The following PM20D2 variants were observed in gnomAD, a reference collection of about 807,000 sequenced individuals.
The protein encoded by PM20D2 is peptidase M20 domain containing 2, also known as xaa-Arg dipeptidase.
A neutral mutation model predicts 42.9 loss-of-function variants in PM20D2; 33 were observed. The observed-to-expected ratio is 0.77, with a 90% CI of 0.58 to 1.03. The LOEUF is 1.03. Ranked by LOEUF, PM20D2 falls within the 50% of genes least tolerant of loss-of-function variation. PM20D2 has a pLI of 0.00. For synonymous variants in PM20D2, 250 were observed against 228.2 expected, an observed-to-expected ratio of 1.10 and a Z score of -0.86; for missense variants, 548 against 557.0, an observed-to-expected ratio of 0.98 and a Z score of 0.16.
upstream of PM20D2, chr6:89,145,998 G>A (rs982428419): frequency 1.7e-4 from 108 of 631,052 alleles, no homozygotes; most frequent in Middle Eastern, 4.7e-4. Context: ...GGGCGGCCCC[G>A]GGACTGGGGG....
the PM20D2 span, among the ~76,000 whole-genome samples, chr6:89,094,131 T>A: frequency 6.6e-6 from 1 of 151,596 alleles, no homozygotes; most frequent in East Asian, 1.9e-4. Context: ...ATGTTGGCCA[T>A]GCTGGTCTCG....
chr6:89,134,389 G>T, the PM20D2 span, among the ~76,000 whole-genome samples: 1 of 151,156 alleles, frequency 6.6e-6, no homozygotes, highest in Non-Finnish European at 1.5e-5. Flanking sequence ...TTCCAAGAGG[G>T]TTTGTGTTTA....
chr6:89,146,422 C>A lies in PM20D2; in HGVS notation c.278C>A (p.Pro93Gln). ...LPTAFRAEWE[P>Q]PEARAPSATP... ...ACGGCCTTCCGCGCCGAGTGGGAGC[C>A]GCCGGAGGCCCGGGCACCGAGCGCC... Residue 93 changes from proline to glutamine, a missense_variant, in exon 1 of 7, where the codon CCG becomes CAG. Physicochemically the swap from Pro to Gln is moderately conservative, Grantham distance 76. Coordinates refer to ENST00000275072, the MANE Select transcript of PM20D2 (RefSeq NM_001010853.3). 1 of 1,523,646 alleles carries A rather than the reference C, an allele frequency of 6.6e-7. No homozygotes were observed. 94.4% of individuals were successfully genotyped at this position (1,523,646 alleles called of 1,614,324 possible). A position where few individuals can be genotyped will look rare whatever the true frequency, so the allele number is the denominator to read the frequency against.
chr6:89,151,924 CA>C (rs946585605), intron 2 of PM20D2, among the ~76,000 whole-genome samples: 1 of 149,212 alleles, frequency 6.7e-6, no homozygotes, highest in Non-Finnish European at 1.5e-5. Context: ...CCTGTCTCTA[CA>C]AAAAAAAATA....
chr6:89,124,733 G>GTTTTTT, the PM20D2 span, among the ~76,000 whole-genome samples: 7,658 of 78,692 alleles, frequency 0.097, 705 homozygotes, highest in Non-Finnish European at 0.13. Context: ...TGTTGCTGTT[G>GTTTTTT]TTGTTTTTTT....
the PM20D2 span, chr6:89,105,303 G>C: frequency 3.2e-6 from 5 of 1,581,216 alleles, no homozygotes; most frequent in Non-Finnish European, 4.3e-6. Context: ...TTCGTTACCT[G>C]AACACCACAG....
At chr6:89,146,026 T>A (rs1582327354), upstream of PM20D2, 1 of 889,116 alleles carries the variant, frequency 1.1e-6, no homozygotes. Context: ...CTGGGAGCTG[T>A]GTGGCCGCGT....
chr6:89,107,124 T>C, the PM20D2 span: 1 of 1,584,362 alleles, frequency 6.3e-7, no homozygotes, highest in Non-Finnish European at 8.7e-7. Context: ...ATACAGTATA[T>C]TCACATGCAC....
intron 1 of PM20D2, 63 bp from the exon 2 acceptor site, chr6:89,149,202 C>A: frequency 6.5e-7 from 1 of 1,550,140 alleles, no homozygotes; most frequent in South Asian, 1.2e-5. Context: ...TGCAGGTGAA[C>A]CTGTTTGATA....
chr6:89,136,406 A>G, the PM20D2 span, among the ~76,000 whole-genome samples: 1 of 151,340 alleles, frequency 6.6e-6, no homozygotes, highest in African/African-American at 2.5e-5. Context: ...GGCCGGGCGC[A>G]GTGGCTCACG....
the PM20D2 span, among the ~76,000 whole-genome samples, chr6:89,121,107 A>G: frequency 2.0e-5 from 3 of 152,098 alleles, no homozygotes; most frequent in African/African-American, 4.8e-5. Flanking sequence ...GCATGCATGT[A>G]TGGATAGGGG....
chr6:89,143,107 C>A (rs1770395132), upstream of PM20D2, among the ~76,000 whole-genome samples: 1 of 150,616 alleles, frequency 6.6e-6, no homozygotes, highest in Non-Finnish European at 1.5e-5. Flanking sequence ...ACTTTTTTTT[C>A]TCATTTAGCT....
At chr6:89,107,217 A>G in the PM20D2 span, 2 of 1,614,046 alleles carry the variant, frequency 1.2e-6, no homozygotes, top group East Asian at 2.2e-5. Context: ...AACGTCTACT[A>G]TAGGGCCATA....
intron 2 of PM20D2, 91 bp downstream of exon 2, chr6:89,149,504 G>T: frequency 7.1e-7 from 1 of 1,413,168 alleles, no homozygotes; most frequent in South Asian, 1.4e-5. Flanking sequence ...CTCCACATTT[G>T]TATATTTAAG....
the PM20D2 span, chr6:89,107,250 T>C: frequency 6.2e-7 from 1 of 1,613,832 alleles, no homozygotes; most frequent in Non-Finnish European, 8.5e-7. Context: ...ACGGCGCAAG[T>C]CCTCAGGCCT....
intron 3 of PM20D2, among the ~76,000 whole-genome samples, chr6:89,153,801 T>G (rs1317738294): frequency 6.6e-6 from 1 of 152,056 alleles, no homozygotes; most frequent in Non-Finnish European, 1.5e-5. Flanking sequence ...GGGGTCTTGC[T>G]ATGTTGGCCA....
chr6:89,104,668 T>C, the PM20D2 span, among the ~76,000 whole-genome samples: 1 of 152,160 alleles, frequency 6.6e-6, no homozygotes, highest in African/African-American at 2.4e-5. Context: ...CAATATATGA[T>C]AAATAGAGAA....
chr6:89,119,197 C>T, the PM20D2 span, among the ~76,000 whole-genome samples: 3 of 152,196 alleles, frequency 2.0e-5, no homozygotes, highest in African/African-American at 7.2e-5. Flanking sequence ...GCTAGACTGG[C>T]ACCGTGCCTA....
the PM20D2 span, among the ~76,000 whole-genome samples, chr6:89,139,345 G>A: frequency 6.6e-6 from 1 of 152,150 alleles, no homozygotes; most frequent in Non-Finnish European, 1.5e-5. Context: ...ATAGCACCGT[G>A]ATTACATTCC....
Sources: gnomAD v4.1 joint callset for allele counts (sites outside exome capture counted in the v4.1 genomes callset) on GRCh38, gnomAD v4.1.1 for gene constraint, MANE v1.5 for transcripts, NCBI Gene and HGNC (gene_info 2026-07-23, HGNC 2026-07-21) for gene names.